The following TSPYL2 variants were observed in gnomAD, a reference collection of about 807,000 sequenced individuals.
TSPYL2 encodes the protein TSPY like 2.
TSPYL2 carries 9 observed loss-of-function variants against 33.0 expected under a neutral mutation model. The ratio of observed to expected loss-of-function variants is 0.27; its 90% confidence interval spans 0.16 to 0.48. TSPYL2 has a LOEUF of 0.48. Among genes scored for constraint, TSPYL2 ranks in the 20% least tolerant of loss-of-function variants. TSPYL2 has a pLI of 0.99. For synonymous variants in TSPYL2, 330 were observed against 233.6 expected (o/e 1.41, Z -3.77); for missense variants, 636 against 586.2 (o/e 1.08, Z -0.88).
At position 53,088,305 on chromosome X, in the gene TSPYL2, G is replaced by A. The variant is rs1932794494; in HGVS notation, c.*366G>A. The A allele has an allele frequency of 1.7e-5, 3 of 171,449 alleles. 1 individual carries two copies. The South Asian group carries it at 5.7e-4, about 33-fold the overall frequency. 14.1% of individuals were successfully genotyped at this position (171,449 alleles called of 1,213,427 possible). A position where few individuals can be genotyped will look rare whatever the true frequency, so the allele number is the denominator to read the frequency against. ...CCTGACCCCCGAAGCGGGGAGGGCCGCTGTGGCCTTCGTCACAGCCGCGCA... is the reference window on the plus strand; with the variant it reads ...CCTGACCCCCGAAGCGGGGAGGGCCACTGTGGCCTTCGTCACAGCCGCGCA... On this transcript the variant is annotated 3_prime_UTR_variant, in exon 7 of 7. Transcript: ENST00000375442.
At chrX:53,087,152 T>G (rs1186285255) in intron 6 of TSPYL2, 1 of 112,403 alleles carries the variant, frequency 8.9e-6, no homozygotes, top group Non-Finnish European at 1.9e-5. Flanking sequence ...CGGGTTTTTT[T>G]GGCTATGGGG....
chrX:53,087,921 G>C lies in TSPYL2; in HGVS notation c.2064G>C (p.Lys688Asn), dbSNP rs782004401. 1 of 1,210,237 alleles carries C rather than the reference G, an allele frequency of 8.3e-7. No homozygotes were observed. Among genetic ancestry groups the C allele is most frequent in the Non-Finnish European group, 1.1e-6 (1 of 895,200 alleles). Residue 688 changes from lysine (K) to asparagine (N), a missense_variant, in exon 7 of 7, where the codon AAG becomes AAC. Physicochemically the swap from Lys to Asn is moderately conservative, Grantham distance 94. Around this residue, in one of 3 missense-constraint regions of TSPYL2, gnomAD observed 401 missense variants for 363.0 expected, o/e 1.10. Transcript: ENST00000375442. ...CAAACGGTTGGGCCAATCCGGGGAA[G>C]AGGGGGAAAACCGGATAAGGGTTTT... The part of the protein sequence containing the change: ...QVPNGWANPG[K>N]RGKTG
Position 53,085,985 on chromosome X carries a change from C to T in TSPYL2, c.1593C>T (p.Asn531=), listed in dbSNP as rs1556808519. ...NNKNTDDNEE[N]PNNNENTYGN... is the part of the protein sequence containing the mutation. ...AGAACACTGATGACAACGAAGAGAACCCTAACAACAACGAGAACACTTACG... is the reference window on the plus strand; with the variant it reads ...AGAACACTGATGACAACGAAGAGAATCCTAACAACAACGAGAACACTTACG... The change falls in exon 6 of 7, where the codon AAC becomes AAT. Residue 531 remains asparagine, a synonymous_variant. Transcript: ENST00000375442. 6 of 1,191,502 alleles carry T rather than the reference C, an allele frequency of 5.0e-6. No individual in the cohort carries two copies. Among genetic ancestry groups the T allele is most frequent in the Non-Finnish European group, 6.8e-6 (6 of 885,251 alleles).
At position 53,083,185 on chromosome X, in the gene TSPYL2, G is replaced by T. The variant is rs919725310; in HGVS notation, c.687G>T (p.Val229=). The change falls in exon 1 of 7, where the codon GTG becomes GTT. Residue 229 remains valine (V), a synonymous_variant. Transcript: ENST00000375442. ...ATATTCAGCTGGATCTGGAGGCAGT[G>T]AACATCAAGGCAGGCAAAGCCTTCC... ...LEDIQLDLEA[V]NIKAGKAFLR... 9.9e-6 allele frequency: 12 copies of T among 1,211,430 alleles called. No homozygotes were observed. The Middle Eastern group carries it at 2.3e-3, about 232-fold the overall frequency.
Position 53,085,618 on chromosome X carries a change from G to A in TSPYL2, c.1239-13G>A. 8.3e-7 allele frequency: 1 copy of A among 1,210,606 alleles called. No individual in the cohort carries two copies. Among genetic ancestry groups the A allele is most frequent in the East Asian group, 3.0e-5 (1 of 33,850 alleles). ...CCCACCAACCCTATACTCAGCCACA[G>A]CCTTCCTTACAGTAAAACCAGGGGC... On this transcript the variant is annotated splice_polypyrimidine_tract_variant and intron_variant, in intron 5 of 6. Transcript: ENST00000375442.
Position 53,088,006 on chromosome X carries a change from C to A in TSPYL2, c.*67C>A. 9.3e-7 allele frequency: 1 copy of A among 1,070,504 alleles called. No individual in the cohort carries two copies. The highest frequency in any genetic ancestry group is 1.3e-6 in the Non-Finnish European group (1 of 780,187). The allele number at this position is 1,070,504 out of a possible 1,213,427, so 88.2% of individuals were successfully genotyped here. A position where few individuals can be genotyped will look rare whatever the true frequency, so the allele number is the denominator to read the frequency against. ...CCACTATCCCATTTGCCCTCCTCCT[C>A]AGCTAGGGCCACGCGGCCCCACATT... On this transcript the variant is annotated 3_prime_UTR_variant, in exon 7 of 7. Coordinates refer to ENST00000375442, the MANE Select transcript of TSPYL2 (RefSeq NM_022117.4).
In TSPYL2 at chrX:53,088,226, C is replaced by A. The variant is rs1439086966; in HGVS notation, c.*287C>A. On this transcript the variant is annotated 3_prime_UTR_variant, in exon 7 of 7. Coordinates refer to ENST00000375442, the MANE Select transcript of TSPYL2 (RefSeq NM_022117.4). ...TTGGTCAGGGCCCCTCTACCCACTT[C>A]TCCCAGTCAGTTGTGGCCCCAGCCC... The A allele has an allele frequency of 6.6e-6, 2 of 305,185 alleles. No homozygotes were observed. The highest frequency in any genetic ancestry group is 1.0e-4 in the Admixed American group (2 of 19,818). The allele number at this position is 305,185 out of a possible 1,213,427, so 25.2% of individuals were successfully genotyped here.
intron 6 of TSPYL2, chrX:53,086,559 A>G (rs1932768663): frequency 4.8e-6 from 2 of 414,580 alleles, no homozygotes; most frequent in Non-Finnish European, 4.2e-6. Context: ...AAGAGTACAC[A>G]GAGATAGGAG....
rs143195586 is a variant in TSPYL2, at chrX:53,085,810, A to G, written c.1418A>G (p.Asn473Ser). Residue 473 changes from asparagine to serine, a missense_variant, in exon 6 of 7, where the codon AAT (asparagine) becomes AGT (serine). Physicochemically the swap from Asn to Ser is conservative, Grantham distance 46. Around this residue, in one of 3 missense-constraint regions of TSPYL2, gnomAD observed 401 missense variants for 363.0 expected, o/e 1.10. Coordinates refer to ENST00000375442, the MANE Select transcript of TSPYL2 (RefSeq NM_022117.4). ...ETTDNEITDI[N>S]ENICDSENPD... Reference sequence around the variant, plus strand: ...ACTGACAATGAGATAACTGACATCAATGAGAACATCTGCGACAGCGAGAAT... The same window carrying G: ...ACTGACAATGAGATAACTGACATCAGTGAGAACATCTGCGACAGCGAGAAT... 4.9e-5 allele frequency: 59 copies of G among 1,210,026 alleles called. No individual in the cohort carries two copies. The highest frequency in any genetic ancestry group is 2.3e-4 in the Middle Eastern group (1 of 4,375).
In TSPYL2 at chrX:53,086,180, C is replaced by T. The variant is rs781909665; in HGVS notation, c.1788C>T (p.Ser596=). ...DDGNEGDNEG[S]DDDDRDIEYY... ...GCAATGAAGGTGACAATGAAGGCAG[C>T]GATGATGACGACAGAGACATTGAGT... is the stretch of plus-strand genomic sequence containing the variant. The change falls in exon 6 of 7, where the codon AGC becomes AGT. Residue 596 remains serine (S), a synonymous_variant. Coordinates refer to ENST00000375442, the MANE Select transcript of TSPYL2 (RefSeq NM_022117.4). The T allele has an allele frequency of 2.5e-6, 3 of 1,206,843 alleles. No homozygotes were observed. The highest frequency in any genetic ancestry group is 3.0e-5 in the East Asian group (1 of 33,712).
intron 5 of TSPYL2, 29 bp from the exon 6 acceptor site, chrX:53,085,602 C>T: frequency 8.3e-7 from 1 of 1,202,921 alleles, no homozygotes; most frequent in Non-Finnish European, 1.1e-6. Context: ...TCCCACCAAC[C>T]CTATACTCAG....
At position 53,084,603 on chromosome X, in the gene TSPYL2, G is replaced by A. The variant is rs199763926; in HGVS notation, c.866G>A (p.Arg289His). 8 of 1,193,046 alleles carry A rather than the reference G, an allele frequency of 6.7e-6. No homozygotes were observed. In the Admixed American group the frequency reaches 6.9e-5, roughly 10 times the overall value. ...AACCGACGTGATGAAGACATTTTCC[G>A]CTACTTGACCAATCTGCAGGTCAGG... is the stretch of plus-strand genomic sequence containing the variant. Reference protein sequence around the residue: ...LINRRDEDIFRYLTNLQVQDL... With the variant: ...LINRRDEDIFHYLTNLQVQDL... Residue 289 changes from arginine (R) to histidine (H), a missense_variant, in exon 2 of 7, where the codon CGC becomes CAC. Coordinates refer to ENST00000375442, the MANE Select transcript of TSPYL2 (RefSeq NM_022117.4).
Position 53,087,902 on chromosome X carries a change from G to T in TSPYL2, c.2045G>T (p.Gly682Val). Residue 682 changes from glycine (G) to valine (V), a missense_variant, in exon 7 of 7, where the codon GGT becomes GTT. This residue lies in a region of TSPYL2 where 401 missense variants were observed against 363.0 expected (regional missense o/e 1.10). Transcript: ENST00000375442. The part of the protein sequence containing the change: ...DLEDVLQVPN[G>V]WANPGKRGKT... Reference sequence around the variant, plus strand: ...GAGGATGTGCTTCAGGTCCCAAACGGTTGGGCCAATCCGGGGAAGAGGGGG... The same window carrying T: ...GAGGATGTGCTTCAGGTCCCAAACGTTTGGGCCAATCCGGGGAAGAGGGGG... 1.7e-6 allele frequency: 2 copies of T among 1,211,765 alleles called. No individual in the cohort carries two copies. Among genetic ancestry groups the T allele is most frequent in the South Asian group, 1.8e-5 (1 of 57,014 alleles).
intron 2 of TSPYL2, 27 bp from the exon 3 acceptor site, chrX:53,084,728 T>C: frequency 8.4e-7 from 1 of 1,187,328 alleles, no homozygotes. Flanking sequence ...GGGGGACAGA[T>C]TCCACCATCA....
In TSPYL2 at chrX:53,088,073, T is replaced by C; in HGVS notation, c.*134T>C. ...ACCGACTTCGTACACGGGTTTAAAG[T>C]TTATTTTTATGGTTTAGTCATTGCA... On this transcript the variant is annotated 3_prime_UTR_variant, in exon 7 of 7. Transcript: ENST00000375442. The C allele has an allele frequency of 1.7e-6, 1 of 573,759 alleles. No homozygotes were observed. The allele number at this position is 573,759 out of a possible 1,213,427, so 47.3% of individuals were successfully genotyped here.
In TSPYL2 at chrX:53,085,054, C is replaced by T; in HGVS notation, c.1098C>T (p.Ser366=). Residue 366 remains serine (S), a synonymous_variant, in exon 4 of 7, where the codon AGC becomes AGT. Transcript: ENST00000375442. ...GNQDASHSFF[S]WFSNHSLPEA... The stretch of plus-strand genomic sequence containing the variant: ...AGGATGCGAGCCACAGCTTTTTCAG[C>T]TGGTTCTCAAACCATAGCCTCCCAG... The T allele has an allele frequency of 8.3e-7, 1 of 1,211,780 alleles. No individual in the cohort carries two copies. Among genetic ancestry groups the T allele is most frequent in the Non-Finnish European group, 1.1e-6 (1 of 895,400 alleles).
Position 53,082,912 on chromosome X carries a change from C to T in TSPYL2, c.414C>T (p.Ser138=). 8.3e-7 allele frequency: 1 copy of T among 1,210,690 alleles called. No individual in the cohort carries two copies. The highest frequency in any genetic ancestry group is 1.7e-5 in the African/African-American group (1 of 57,490). The change falls in exon 1 of 7, where the codon AGC becomes AGT. Residue 138 remains serine (S), a synonymous_variant. Coordinates refer to ENST00000375442, the MANE Select transcript of TSPYL2 (RefSeq NM_022117.4). The part of the protein sequence containing the change: ...LEIDFQVVQS[S]SFGGEGALET... ...TCGATTTTCAGGTTGTACAGTCGAGCAGTTTTGGTGGAGAGGGGGCCCTAG... is the reference window on the plus strand; with the variant it reads ...TCGATTTTCAGGTTGTACAGTCGAGTAGTTTTGGTGGAGAGGGGGCCCTAG...
At chrX:53,084,718 G>A (rs782762035) in intron 2 of TSPYL2, 37 bp from the exon 3 acceptor site, 2 of 1,188,957 alleles carry the variant, frequency 1.7e-6, no homozygotes, top group Non-Finnish European at 2.3e-6. Flanking sequence ...TGTGTTGGGG[G>A]GGGGACAGAT....
intron 1 of TSPYL2, among the ~76,000 whole-genome samples, 187 bp from the exon 2 acceptor site, chrX:53,084,358 C>T (rs1447783500): frequency 2.7e-5 from 3 of 111,975 alleles, no homozygotes; most frequent in African/African-American, 9.8e-5. Context: ...TGTAGGGCCA[C>T]CTAACATAGA....
Sources: gnomAD v4.1 joint callset for allele counts (sites outside exome capture counted in the v4.1 genomes callset) on GRCh38, gnomAD v4.1.1 for gene constraint, gnomAD v4.1.1 regional missense constraint, MANE v1.5 for transcripts, NCBI Gene and HGNC (gene_info 2026-07-23, HGNC 2026-07-21) for gene names.